Variants in PSORS1C1 observed in about 807,000 individuals in gnomAD.
The protein encoded by PSORS1C1 is psoriasis susceptibility 1 candidate gene 1 protein.
A neutral mutation model predicts 9.4 loss-of-function variants in PSORS1C1; 7 were observed. The ratio of observed to expected loss-of-function variants is 0.75; its 90% confidence interval spans 0.42 to 1.40. The LOEUF (loss-of-function observed/expected upper bound fraction) is 1.40, where lower values mean the gene tolerates loss of function less well. Among genes scored for constraint, PSORS1C1 ranks in the 40% most tolerant of loss-of-function variants. The pLI, the probability that PSORS1C1 is intolerant of heterozygous loss-of-function variation, is 0.01. For missense variants in PSORS1C1, 146 were observed against 178.1 expected (o/e 0.82, Z 1.02); for synonymous variants, 63 against 69.4 (o/e 0.91, Z 0.46).
intron 1 of PSORS1C1, among the ~76,000 whole-genome samples, chr6:31,124,743 G>T (rs1772605666): frequency 6.6e-6 from 1 of 152,216 alleles, no homozygotes; most frequent in Admixed American, 6.5e-5. Flanking sequence ...GCCAAGGCAG[G>T]TGGATCACTT....
chr6:31,135,592 A>G (rs1292230201), intron 3 of PSORS1C1, among the ~76,000 whole-genome samples: 1 of 152,194 alleles, frequency 6.6e-6, no homozygotes, highest in Non-Finnish European at 1.5e-5. Context: ...AAGTGTAGCA[A>G]ATTGAATATA....
intron 1 of PSORS1C1, among the ~76,000 whole-genome samples, chr6:31,121,053 A>G (rs998220177): frequency 1.1e-4 from 17 of 151,676 alleles, no homozygotes; most frequent in Non-Finnish European, 2.4e-4. Context: ...CCACATACCT[A>G]TTACGTGTTC....
At chr6:31,116,017 T>C in intron 1 of PSORS1C1, 1 of 1,555,844 alleles carries the variant, frequency 6.4e-7, no homozygotes. Context: ...CACACAACAG[T>C]TGACTTCTTA....
rs1772790283 is a variant in PSORS1C1, at chr6:31,128,815, C to T, written c.-64-754C>T. Among the ~76,000 whole-genome samples, 1 of 152,062 alleles carries T rather than the reference C, an allele frequency of 6.6e-6. No individual in the cohort carries two copies. Among genetic ancestry groups the T allele is most frequent in the South Asian group, 2.1e-4 (1 of 4,824 alleles). On this transcript the variant is annotated intron_variant, in intron 2 of 5. Coordinates refer to ENST00000259881, the MANE Select transcript of PSORS1C1 (RefSeq NM_014068.3). This position sits in a 1 kb window ranked among gnomAD's most constrained non-coding sequence, Gnocchi z 4.3. ...CCTGGGCTCCTACGTCAGGGTTTGC[C>T]CCCTCTCTAATTTAACTTTTTATCA...
rs1414940258 is a variant in PSORS1C1, at chr6:31,138,662, A to AGACCCCAGCTTTACAAG, written c.61_77dup (p.Leu27TyrfsTer44). 5.6e-6 allele frequency: 9 copies of AGACCCCAGCTTTACAAG among 1,613,178 alleles called. No individual in the cohort carries two copies. The highest frequency in any genetic ancestry group is 6.8e-6 in the Non-Finnish European group (8 of 1,179,986). Reference sequence around the variant, plus strand: ...GTTACACCTTGGCCCCCAGGCACACAGACCCCAGCTTTACAAGGACCCCAG... The same window carrying AGACCCCAGCTTTACAAG: ...GTTACACCTTGGCCCCCAGGCACACAGACCCCAGCTTTACAAGGACCCCAGCTTTACAAGGACCCCAG... On this transcript the variant is annotated frameshift_variant, in exon 5 of 6. Coordinates refer to ENST00000259881, the MANE Select transcript of PSORS1C1 (RefSeq NM_014068.3). LOFTEE classifies it high-confidence loss of function.
chr6:31,117,307 G>C, intron 1 of PSORS1C1: 1 of 1,588,314 alleles, frequency 6.3e-7, no homozygotes, highest in East Asian at 2.3e-5. Flanking sequence ...AAAAGATCCT[G>C]CAGAACCACC....
intron 3 of PSORS1C1, among the ~76,000 whole-genome samples, chr6:31,136,511 C>G (rs1773144265): frequency 6.6e-6 from 1 of 152,048 alleles, no homozygotes; most frequent in African/African-American, 2.4e-5. Flanking sequence ...CCAGGACAAG[C>G]AGGAGATTCA....
intron 1 of PSORS1C1, chr6:31,116,558 T>A (rs1173967986): frequency 6.2e-7 from 1 of 1,613,870 alleles, no homozygotes; most frequent in Non-Finnish European, 8.5e-7. Flanking sequence ...ATGGGGTTGC[T>A]GGAGAAGTAT....
chr6:31,138,005 G>A, intron 3 of PSORS1C1: 1 of 1,519,384 alleles, frequency 6.6e-7, no homozygotes, highest in East Asian at 2.3e-5. Flanking sequence ...GAGGTCGGTT[G>A]TCCACCTCAG....
At chr6:31,120,758 C>T (rs2150961761) in intron 1 of PSORS1C1, among the ~76,000 whole-genome samples, 1 of 152,302 alleles carries the variant, frequency 6.6e-6, no homozygotes, top group African/African-American at 2.4e-5. Flanking sequence ...CCACTCTTGC[C>T]ACGGGACCCA....
At chr6:31,116,659 T>C in intron 1 of PSORS1C1, 1 of 1,612,660 alleles carries the variant, frequency 6.2e-7, no homozygotes, top group East Asian at 2.2e-5. Flanking sequence ...GCCCACAGGG[T>C]AGATTTTACC....
chr6:31,126,714 G>A (rs1192478246), intron 2 of PSORS1C1, among the ~76,000 whole-genome samples: 1 of 152,170 alleles, frequency 6.6e-6, no homozygotes, highest in African/African-American at 2.4e-5. Flanking sequence ...CTCACCTTTG[G>A]CCACTGAATC....
chr6:31,127,127 A>G (rs1772714849), intron 2 of PSORS1C1, among the ~76,000 whole-genome samples: 1 of 152,186 alleles, frequency 6.6e-6, no homozygotes, highest in African/African-American at 2.4e-5. Flanking sequence ...ACAGGGTGAA[A>G]GAGAGCGCCA....
Position 31,139,579 on chromosome 6 carries a change from C to T in PSORS1C1, c.168-62C>T. On this transcript the variant is annotated intron_variant, in intron 5 of 5. Coordinates refer to ENST00000259881, the MANE Select transcript of PSORS1C1 (RefSeq NM_014068.3). This position sits in a 1 kb window ranked among gnomAD's most constrained non-coding sequence, Gnocchi z 5.2. The stretch of plus-strand genomic sequence containing the variant: ...GCTCCCCCTGGGGCTTCGTGCTTTC[C>T]TGGGCACTTCCCTTCCCCCATGGGA... 6.4e-7 allele frequency: 1 copy of T among 1,558,214 alleles called. No individual in the cohort carries two copies. Among genetic ancestry groups the T allele is most frequent in the Non-Finnish European group, 8.7e-7 (1 of 1,145,466 alleles).
At chr6:31,118,225 G>A (rs1039011280) in intron 1 of PSORS1C1, 2 of 152,590 alleles carry the variant, frequency 1.3e-5, no homozygotes, top group Admixed American at 6.5e-5. Context: ...AAGGGCACTC[G>A]AGGACTAAGA....
intron 3 of PSORS1C1, among the ~76,000 whole-genome samples, chr6:31,132,862 AGT>A (rs1179056282): frequency 4.8e-4 from 73 of 150,826 alleles, no homozygotes; most frequent in Non-Finnish European, 9.9e-4. Flanking sequence ...AAAAAAAAAA[AGT>A]AATGAGGGTG....
At position 31,139,311 on chromosome 6, in the gene PSORS1C1, C is replaced by T; in HGVS notation, c.168-330C>T. ...TGGTTTTCACACCCTCCATCCACATCCTGGAGCAGTCAATACCCACTTGGC... is the reference window on the plus strand; with the variant it reads ...TGGTTTTCACACCCTCCATCCACATTCTGGAGCAGTCAATACCCACTTGGC... On this transcript the variant is annotated intron_variant, in intron 5 of 5. Coordinates refer to ENST00000259881, the MANE Select transcript of PSORS1C1 (RefSeq NM_014068.3). The surrounding 1 kb of genome is among the most constrained non-coding windows in gnomAD (Gnocchi z 5.2). The T allele has an allele frequency of 1.7e-6, 1 of 585,178 alleles. No homozygotes were observed. The highest frequency in any genetic ancestry group is 3.0e-6 in the Non-Finnish European group (1 of 328,722). The allele number at this position is 585,178 out of a possible 1,614,324, so 36.2% of individuals were successfully genotyped here. A position where few individuals can be genotyped will look rare whatever the true frequency, so the allele number is the denominator to read the frequency against.
Position 31,138,726 on chromosome 6 carries a change from C to T in PSORS1C1, c.114C>T (p.Pro38=), listed in dbSNP as rs1403213150. Reference sequence around the variant, plus strand: ...ATCCCAGCTCCGAGGAAACTCGTCCCCCCCACGTTAATCCTGACCGACTTT... The same window carrying T: ...ATCCCAGCTCCGAGGAAACTCGTCCTCCCCACGTTAATCCTGACCGACTTT... The part of the protein sequence containing the change: ...NTDPSSEETR[P]PHVNPDRLCH... Residue 38 remains proline, a synonymous_variant, in exon 5 of 6, where the codon CCC becomes CCT. Coordinates refer to ENST00000259881, the MANE Select transcript of PSORS1C1 (RefSeq NM_014068.3). 2 of 1,613,918 alleles carry T rather than the reference C, an allele frequency of 1.2e-6. No individual in the cohort carries two copies. The highest frequency in any genetic ancestry group is 8.5e-7 in the Non-Finnish European group (1 of 1,179,992).
intron 3 of PSORS1C1, among the ~76,000 whole-genome samples, chr6:31,133,002 G>T (rs541447920): frequency 2.6e-5 from 4 of 151,934 alleles, no homozygotes; most frequent in Non-Finnish European, 5.9e-5. Context: ...CTGGGGGCGG[G>T]CTGGGGGAGT....
Sources: gnomAD v4.1 joint callset for allele counts (sites outside exome capture counted in the v4.1 genomes callset) on GRCh38, gnomAD v4.1.1 for gene constraint, Gnocchi (gnomAD v3.1) non-coding constraint, MANE v1.5 for transcripts, NCBI Gene and HGNC (gene_info 2026-07-23, HGNC 2026-07-21) for gene names.